Variants in CKAP5 observed in about 807,000 individuals in gnomAD.
CKAP5 encodes cytoskeleton associated protein 5.
Under a neutral mutation model 232.8 loss-of-function variants are expected in CKAP5, and 27 were observed. The ratio of observed to expected loss-of-function variants is 0.12; its 90% CI spans 0.09 to 0.16. The LOEUF (loss-of-function observed/expected upper bound fraction) is 0.16, where lower values mean the gene tolerates loss of function less well. CKAP5 is among the 10% of genes least tolerant of loss of function. The pLI, the probability that CKAP5 is intolerant of heterozygous loss-of-function variation, is 1.00. For synonymous variants in CKAP5, 785 were observed against 841.1 expected (o/e 0.93, Z 1.16); for missense variants, 1,838 against 2,424.7 (o/e 0.76, Z 5.08).
chr11:46,802,697 T>C (rs1939062721), intron 8 of CKAP5, among the ~76,000 whole-genome samples: 1 of 152,182 alleles, frequency 6.6e-6, no homozygotes, highest in South Asian at 2.1e-4. Context: ...TCCAGTCTAC[T>C]TTGAATTTTA....
rs1191033671 is a variant in CKAP5 at position 46,743,581 on chromosome 11, A to AGTT, written c.*439_*441dup. The AGTT allele has an allele frequency of 1.8e-5, 3 of 165,178 alleles. No homozygotes were observed. The highest frequency in any genetic ancestry group is 7.2e-5 in the African/African-American group (3 of 41,634). 10.2% of individuals were successfully genotyped at this position (165,178 alleles called of 1,614,324 possible). A position where few individuals can be genotyped will look rare whatever the true frequency, so the allele number is the denominator to read the frequency against. ...TTTATTTATAAAAGACTCTTAAATTAGTTGTATCATGCCATGCATTCATAC... is the reference window on the plus strand; with the variant it reads ...TTTATTTATAAAAGACTCTTAAATTAGTTGTTGTATCATGCCATGCATTCATAC... On this transcript the variant is annotated 3_prime_UTR_variant, in exon 44 of 44. Transcript: ENST00000529230.
chr11:46,753,215 G>T, intron 37 of CKAP5, 95 bp downstream of exon 37: 1 of 930,794 alleles, frequency 1.1e-6, no homozygotes, highest in South Asian at 1.7e-5. Flanking sequence ...TGATTGTTAG[G>T]TTGCCTAGGA....
At chr11:46,760,109 A>G (rs1276520695) in intron 33 of CKAP5, among the ~76,000 whole-genome samples, 1 of 152,242 alleles carries the variant, frequency 6.6e-6, no homozygotes, top group Non-Finnish European at 1.5e-5. Flanking sequence ...TATTTTAATT[A>G]GCCTTATCTC....
At chr11:46,777,067 T>C (rs1299713591) in intron 23 of CKAP5, among the ~76,000 whole-genome samples, 3 of 152,198 alleles carry the variant, frequency 2.0e-5, no homozygotes, top group Admixed American at 6.6e-5. Context: ...TTATTCACTA[T>C]AGCAAAATGT....
intron 1 of CKAP5, among the ~76,000 whole-genome samples, chr11:46,844,679 T>A (rs1565764352): frequency 6.6e-6 from 1 of 152,202 alleles, no homozygotes; most frequent in South Asian, 2.1e-4. Context: ...GGTCGCTCTG[T>A]CACCCAGGCT....
At chr11:46,775,980 A>C (rs1158296149) in intron 24 of CKAP5, among the ~76,000 whole-genome samples, 2 of 152,182 alleles carry the variant, frequency 1.3e-5, no homozygotes, top group Non-Finnish European at 1.5e-5. Context: ...AATAAAAAAA[A>C]CACAAAACCT....
chr11:46,770,026 G>A lies in CKAP5; in HGVS notation c.3259C>T (p.Pro1087Ser), dbSNP rs1464285301. Residue 1087 changes from proline to serine, a missense_variant, in exon 26 of 44, where the codon CCC (proline) becomes TCC (serine). Pro to Ser is a moderately conservative substitution (Grantham distance 74, BLOSUM62 -1). Coordinates refer to ENST00000529230, the MANE Select transcript of CKAP5 (RefSeq NM_001008938.4). ...ATTGGTTTAGAAGTTGCTTTAGTGG[G>A]TGGAGCAGGCTTGGCTGGCATGTTA... Reference protein sequence around the residue: ...KVNMPAKPAPPTKATSKPMGG... With the variant: ...KVNMPAKPAPSTKATSKPMGG... 11 of 1,614,090 alleles carry A rather than the reference G, an allele frequency of 6.8e-6. No individual in the cohort carries two copies. Among genetic ancestry groups the A allele is most frequent in the Middle Eastern group, 1.7e-4 (1 of 6,048 alleles).
At chr11:46,776,873 T>C (rs2065295699) in intron 23 of CKAP5, among the ~76,000 whole-genome samples, 1 of 152,084 alleles carries the variant, frequency 6.6e-6, no homozygotes, top group Non-Finnish European at 1.5e-5. Flanking sequence ...AAATAAATTA[T>C]ACAACAGTAT....
Position 46,763,222 on chromosome 11 carries a change from CA to C in CKAP5, c.3688-44del, listed in dbSNP as rs1457838706. ...CAAAACTCCCACAAATAAGAATAAT[CA>C]AAATCTTAATTCTACTAGGCAAGTG... On this transcript the variant is annotated intron_variant, in intron 29 of 43. Transcript: ENST00000529230. The C allele has an allele frequency of 3.5e-6, 5 of 1,434,060 alleles. No individual in the cohort carries two copies. The African/African-American group carries it at 7.2e-5, about 21-fold the overall frequency. The allele number at this position is 1,434,060 out of a possible 1,614,324, so 88.8% of individuals were successfully genotyped here.
intron 27 of CKAP5, among the ~76,000 whole-genome samples, chr11:46,765,945 G>GT (rs2065199508): frequency 6.6e-6 from 1 of 152,102 alleles, no homozygotes; most frequent in Admixed American, 6.5e-5. Context: ...ATATTTAAAT[G>GT]TATCTCTTAT....
intron 16 of CKAP5, among the ~76,000 whole-genome samples, chr11:46,786,597 C>A (rs1047847233): frequency 6.6e-6 from 1 of 152,100 alleles, no homozygotes; most frequent in Non-Finnish European, 1.5e-5. Flanking sequence ...CTGGGGGAAC[C>A]CAGCTTGGTC....
chr11:46,807,729 A>G (rs980368120), intron 8 of CKAP5, among the ~76,000 whole-genome samples: 14 of 152,224 alleles, frequency 9.2e-5, no homozygotes, highest in Admixed American at 8.5e-4. Context: ...TAAATAGCTC[A>G]TCCTATAGAA....
chr11:46,845,940 C>T lies in CKAP5; in HGVS notation c.-38+280G>A, dbSNP rs377753411. Among the ~76,000 whole-genome samples the T allele has an allele frequency of 3.2e-4, 49 of 151,618 alleles. No individual in the cohort carries two copies. The South Asian group carries it at 9.5e-3, about 29-fold the overall frequency. On this transcript the variant is annotated intron_variant, in intron 1 of 43. Coordinates refer to ENST00000529230, the MANE Select transcript of CKAP5 (RefSeq NM_001008938.4). ...CAGGCGCGGCCCTGCACCGCCCGCG[C>T]CCCGCGGACGCTGCCACCCGCGCCA...
rs757655640 is a variant in CKAP5, at chr11:46,751,394, C to T, written c.5274G>A (p.Arg1758=). 3.3e-5 allele frequency: 54 copies of T among 1,613,912 alleles called. No individual in the cohort carries two copies. Among genetic ancestry groups the T allele is most frequent in the Non-Finnish European group, 4.0e-5 (47 of 1,180,002 alleles). The part of the protein sequence containing the change: ...LKQCKSEFPI[R]TLKTLLHTLC... ...AGGTGTGTAGCAGGGTCTTTAGGGT[C>T]CTTATGGGAAATTCACTTTTGCATT... The change falls in exon 39 of 44, where the codon AGG becomes AGA. Residue 1758 remains arginine (R), a synonymous_variant. Coordinates refer to ENST00000529230, the MANE Select transcript of CKAP5 (RefSeq NM_001008938.4).
At chr11:46,748,862 C>T (rs186881256) in intron 42 of CKAP5, among the ~76,000 whole-genome samples, 12 of 151,828 alleles carry the variant, frequency 7.9e-5, no homozygotes, top group South Asian at 2.1e-4. Flanking sequence ...GATGGAGTCT[C>T]GCTCTGTCGC....
chr11:46,841,288 C>T (rs1402200247), intron 1 of CKAP5, among the ~76,000 whole-genome samples: 1 of 150,668 alleles, frequency 6.6e-6, no homozygotes. Context: ...AAAAAGGTGT[C>T]AGAATTGAAC....
At chr11:46,837,689 G>A (rs1341337874) in intron 1 of CKAP5, among the ~76,000 whole-genome samples, 1 of 143,848 alleles carries the variant, frequency 7.0e-6, no homozygotes, top group Non-Finnish European at 1.6e-5. Flanking sequence ...ACACACACAT[G>A]TATGTTAAAG....
In CKAP5 at chr11:46,758,936, T is replaced by G; in HGVS notation, c.4676A>C (p.Gln1559Pro). ...VASGDINTSI[Q>P]ALTQIDEVLR... ...CACACCCATTACCTGTGTCAGAGCT[T>G]GGATACTTGTGTTGATGTCACCACT... The change falls in exon 35 of 44, where the codon CAA becomes CCA. Residue 1559 changes from glutamine to proline, a missense_variant. Gln to Pro is a moderately conservative substitution (Grantham distance 76). This residue lies in a region of CKAP5 where 579 missense variants were observed against 843.2 expected (regional missense o/e 0.69). Transcript: ENST00000529230. 6.2e-7 allele frequency: 1 copy of G among 1,614,006 alleles called. No homozygotes were observed. Among genetic ancestry groups the G allele is most frequent in the Non-Finnish European group, 8.5e-7 (1 of 1,179,990 alleles).
rs368150850 is a variant in CKAP5, at chr11:46,815,625, G to A, written c.458+573C>T. Reference sequence around the variant, plus strand: ...AAGCCTAATTCTTAATCTGATAACAGGTCAGAAATCTCTATTCATCTTCAT... The same window carrying A: ...AAGCCTAATTCTTAATCTGATAACAAGTCAGAAATCTCTATTCATCTTCAT... On this transcript the variant is annotated intron_variant, in intron 4 of 43. Coordinates refer to ENST00000529230, the MANE Select transcript of CKAP5 (RefSeq NM_001008938.4). Among the ~76,000 whole-genome samples the A allele has an allele frequency of 3.2e-4, 49 of 152,234 alleles. No individual in the cohort carries two copies. In the South Asian group the frequency reaches 9.7e-3, roughly 30 times the overall value.
Sources: gnomAD v4.1 joint callset for allele counts (sites outside exome capture counted in the v4.1 genomes callset) on GRCh38, gnomAD v4.1.1 for gene constraint, gnomAD v4.1.1 regional missense constraint, MANE v1.5 for transcripts, NCBI Gene and HGNC (gene_info 2026-07-23, HGNC 2026-07-21) for gene names.